Variants in UBAP2 observed in about 807,000 individuals in gnomAD.
UBAP2 encodes ubiquitin associated protein 2.
Under a neutral mutation model 139.6 loss-of-function variants are expected in UBAP2, and 75 were observed. The observed-to-expected ratio is 0.54, with a 90% confidence interval of 0.45 to 0.65. UBAP2 has a LOEUF of 0.65. Ranked by LOEUF, UBAP2 falls within the 30% of genes least tolerant of loss-of-function variation. UBAP2 has a pLI of 0.00. For missense variants in UBAP2, 1,368 were observed against 1,369.6 expected (o/e 1.00, Z 0.02); for synonymous variants, 526 against 526.2 (o/e 1.00, Z 0.01).
At chr9:34,021,656 C>T (rs1174422986) in intron 1 of UBAP2, among the ~76,000 whole-genome samples, 6 of 134,394 alleles carry the variant, frequency 4.5e-5, no homozygotes, top group African/African-American at 5.7e-5. Flanking sequence ...TTTTTTGAGA[C>T]GGAGGCTCGC....
chr9:33,948,401 A>G lies in UBAP2; in HGVS notation c.1243T>C (p.Ser415Pro). 1 of 1,613,262 alleles carries G rather than the reference A, an allele frequency of 6.2e-7. No homozygotes were observed. The highest frequency in any genetic ancestry group is 8.5e-7 in the Non-Finnish European group (1 of 1,179,348). ...TTSWDLKPPT[S>P]QSSVLSHLDF... ...AGATGACTGAGGACTGAGGACTGGG[A>G]TGTTGGGGGCTTGAGGTCCCAAGAA... The change falls in exon 13 of 29, where the codon TCC becomes CCC. Residue 415 changes from serine (S) to proline (P), a missense_variant. Ser to Pro is a moderately conservative substitution (Grantham distance 74, BLOSUM62 -1). Coordinates refer to ENST00000379238, the MANE Select transcript of UBAP2 (RefSeq NM_001370062.2).
At chr9:34,016,174 G>GAGGAAGAGGAGGAAT (rs2131271606) in intron 2 of UBAP2, among the ~76,000 whole-genome samples, 1 of 140,818 alleles carries the variant, frequency 7.1e-6, no homozygotes, top group East Asian at 2.3e-4. Flanking sequence ...GGAGGAGGAG[G>GAGGAAGAGGAGGAAT]AGGAGGAAGA....
intron 9 of UBAP2, among the ~76,000 whole-genome samples, chr9:33,962,028 G>A (rs1188835952): frequency 1.3e-5 from 2 of 152,102 alleles, no homozygotes; most frequent in African/African-American, 4.8e-5. Context: ...AATTCTGTCT[G>A]AGAAACCACT....
chr9:34,043,649 A>G (rs1253713241), intron 1 of UBAP2, among the ~76,000 whole-genome samples: 1 of 151,978 alleles, frequency 6.6e-6, no homozygotes, highest in Non-Finnish European at 1.5e-5. Flanking sequence ...ACATGCAATC[A>G]TGCCCAGTTA....
intron 2 of UBAP2, among the ~76,000 whole-genome samples, chr9:34,009,097 G>T: frequency 6.9e-6 from 1 of 145,020 alleles, no homozygotes. Flanking sequence ...AAAATTTGGT[G>T]TTTTGTTTTG....
intron 1 of UBAP2, among the ~76,000 whole-genome samples, chr9:34,020,150 T>TAAAAA (rs1174976366): frequency 6.3e-5 from 8 of 127,074 alleles, no homozygotes; most frequent in African/African-American, 2.1e-4. Context: ...ACTCCATTAT[T>TAAAAA]AAAAAAAAAA....
intron 2 of UBAP2, among the ~76,000 whole-genome samples, chr9:34,009,893 C>T (rs2131245628): frequency 6.6e-6 from 1 of 150,418 alleles, no homozygotes; most frequent in South Asian, 2.1e-4. Context: ...TCGCAACTTC[C>T]GCCTCCTGGG....
intron 13 of UBAP2, among the ~76,000 whole-genome samples, chr9:33,947,962 G>A (rs1421362999): frequency 7.5e-6 from 1 of 133,822 alleles, no homozygotes; most frequent in Admixed American, 8.7e-5. Context: ...AGCCTACGCA[G>A]CACAGGAAGA....
At chr9:33,931,243 A>G (rs1001296600) in intron 19 of UBAP2, among the ~76,000 whole-genome samples, 1 of 152,150 alleles carries the variant, frequency 6.6e-6, no homozygotes, top group Non-Finnish European at 1.5e-5. Flanking sequence ...GTGGGACTTG[A>G]GAATGTGCAG....
intron 1 of UBAP2, among the ~76,000 whole-genome samples, chr9:34,029,833 C>A (rs1490368658): frequency 1.3e-5 from 2 of 149,662 alleles, no homozygotes; most frequent in Admixed American, 6.7e-5. Context: ...ACTAAAAATA[C>A]AAAAATTAGG....
intron 22 of UBAP2, among the ~76,000 whole-genome samples, chr9:33,925,139 C>T (rs774771747): frequency 7.9e-5 from 12 of 152,082 alleles, no homozygotes; most frequent in Non-Finnish European, 1.5e-4. Context: ...GCCTCGCACT[C>T]CTGGACACAC....
intron 12 of UBAP2, among the ~76,000 whole-genome samples, chr9:33,951,809 T>C (rs747735003): frequency 6.6e-6 from 1 of 152,182 alleles, no homozygotes; most frequent in Non-Finnish European, 1.5e-5. Flanking sequence ...GTCCTTCTTA[T>C]CAATTCAGTG....
intron 3 of UBAP2, chr9:33,998,566 C>G: frequency 2.1e-6 from 1 of 473,080 alleles, no homozygotes. Context: ...ACTAGTAACT[C>G]AGAAAGATTA....
At chr9:34,013,093 C>T (rs1485635059) in intron 2 of UBAP2, among the ~76,000 whole-genome samples, 1 of 145,576 alleles carries the variant, frequency 6.9e-6, no homozygotes, top group East Asian at 2.0e-4. Context: ...GGCACAGTTG[C>T]CGTTAGCCGA....
intron 2 of UBAP2, among the ~76,000 whole-genome samples, chr9:34,016,748 G>A (rs1824387218): frequency 6.6e-6 from 1 of 151,318 alleles, no homozygotes; most frequent in South Asian, 2.1e-4. Context: ...AATAGAGGCA[G>A]GGTTTCACAA....
At chr9:34,017,913 C>T (rs557277093) in intron 1 of UBAP2, among the ~76,000 whole-genome samples, 1 of 149,934 alleles carries the variant, frequency 6.7e-6, no homozygotes, top group Non-Finnish European at 1.5e-5. Flanking sequence ...GGCGACAGAG[C>T]GAGACTCCGT....
At position 33,923,945 on chromosome 9, in the gene UBAP2, TGTG is replaced by T. The variant is rs770533380; in HGVS notation, c.2643_2645del (p.Thr882del). 1 of 1,614,108 alleles carries T rather than the reference TGTG, an allele frequency of 6.2e-7. No individual in the cohort carries two copies. The highest frequency in any genetic ancestry group is 8.5e-7 in the Non-Finnish European group (1 of 1,180,030). Reference sequence around the variant, plus strand: ...ATTGGCTCTGCTGTGGCTGAGCTGGTGTGGTAGCGGGTGCAGGGGATGCAGAGT... The same window carrying T: ...ATTGGCTCTGCTGTGGCTGAGCTGGTGTAGCGGGTGCAGGGGATGCAGAGT... On this transcript the variant is annotated inframe_deletion, in exon 24 of 29. Transcript: ENST00000379238.
intron 16 of UBAP2, chr9:33,938,753 G>C: frequency 3.0e-6 from 1 of 335,284 alleles, no homozygotes; most frequent in South Asian, 2.4e-5. Context: ...CCAAGATCAC[G>C]CCATTGCACT....
At chr9:33,972,694 CTTTGAGTCTGTT>C (rs1828000340) in intron 7 of UBAP2, among the ~76,000 whole-genome samples, 1 of 152,154 alleles carries the variant, frequency 6.6e-6, no homozygotes, top group East Asian at 1.9e-4. Context: ...ATTTTAGTGC[CTTTGAGTCTGTT>C]CAATGTTTAC....
Sources: allele counts gnomAD v4.1 joint callset (sites outside exome capture counted in the v4.1 genomes callset), GRCh38; gene constraint gnomAD v4.1.1; transcripts MANE v1.5; gene names NCBI Gene and HGNC (gene_info 2026-07-23, HGNC 2026-07-21).